The following FZD3 variants were observed in gnomAD, a reference collection of about 807,000 sequenced individuals.
FZD3 encodes frizzled class receptor 3, also known as frizzled-3.
Under a neutral mutation model 60.7 loss-of-function variants are expected in FZD3, and 30 were observed. That is an observed-to-expected ratio of 0.49 (90% CI 0.37 to 0.67). The LOEUF (loss-of-function observed/expected upper bound fraction) is 0.67. FZD3 is among the 30% of genes least tolerant of loss of function. FZD3 has a pLI of 0.00. For synonymous variants in FZD3, 246 were observed against 275.2 expected (o/e 0.89, Z 1.05); for missense variants, 605 against 838.7 (o/e 0.72, Z 3.44).
intron 1 of FZD3, among the ~76,000 whole-genome samples, chr8:28,499,067 A>G (rs1803922319): frequency 6.6e-6 from 1 of 152,186 alleles, no homozygotes; most frequent in Non-Finnish European, 1.5e-5. Flanking sequence ...CAGTCATTTC[A>G]CTAGTATTTT....
intron 3 of FZD3, among the ~76,000 whole-genome samples, chr8:28,510,103 GT>G (rs1277200652): frequency 5.4e-5 from 5 of 92,640 alleles, no homozygotes; most frequent in African/African-American, 1.1e-4. Flanking sequence ...GGTATTTTCT[GT>G]TTTTTTTGTT....
At chr8:28,494,846 G>A (rs1803798565) in intron 1 of FZD3, among the ~76,000 whole-genome samples, 1 of 152,066 alleles carries the variant, frequency 6.6e-6, no homozygotes, top group Admixed American at 6.5e-5. Context: ...CCGGCCGCCC[G>A]AAGCGCGCGC....
chr8:28,512,938 A>G (rs1804327607), intron 3 of FZD3, among the ~76,000 whole-genome samples: 2 of 152,182 alleles, frequency 1.3e-5, no homozygotes, highest in African/African-American at 2.4e-5. Flanking sequence ...TACTACATTT[A>G]TAGAATTCAT....
At position 28,564,579 on chromosome 8, in the gene FZD3, C is replaced by T. The variant is rs537443089; in HGVS notation, c.*1568C>T. The T allele has an allele frequency of 4.6e-5, 7 of 152,104 alleles. No homozygotes were observed. Among genetic ancestry groups the T allele is most frequent in the East Asian group, 3.9e-4 (2 of 5,176 alleles). The allele number at this position is 152,104 out of a possible 1,614,324, so 9.4% of individuals were successfully genotyped here. A position where few individuals can be genotyped will look rare whatever the true frequency, so the allele number is the denominator to read the frequency against. ...GAACATCCACATGGATTCTGTCTTT[C>T]GCTTTTATATCATTATCTAATATTC... On this transcript the variant is annotated 3_prime_UTR_variant, in exon 8 of 8. Coordinates refer to ENST00000240093, the MANE Select transcript of FZD3 (RefSeq NM_017412.4).
rs1805500255 is a variant in FZD3 at position 28,555,950 on chromosome 8, T to G, written c.1766T>G (p.Leu589Arg). The change falls in exon 7 of 8, where the codon CTC becomes CGC. Residue 589 changes from leucine (L) to arginine (R), a missense_variant. Leu to Arg is a moderately radical substitution (Grantham distance 102). Coordinates refer to ENST00000240093, the MANE Select transcript of FZD3 (RefSeq NM_017412.4). ...AAAGTGAGCAGCTACCACGGCAGCC[T>G]CCACAGATCACGTGATGGCAGGTGA... Reference protein sequence around the residue: ...HSKVSSYHGSLHRSRDGRYTP... With the variant: ...HSKVSSYHGSRHRSRDGRYTP... 1 of 1,610,862 alleles carries G rather than the reference T, an allele frequency of 6.2e-7. No individual in the cohort carries two copies.
At chr8:28,557,866 A>T (rs561432776) in intron 7 of FZD3, among the ~76,000 whole-genome samples, 2 of 152,362 alleles carry the variant, frequency 1.3e-5, no homozygotes, top group Admixed American at 6.5e-5. Context: ...ACAATCAATT[A>T]CAATACACTT....
intron 3 of FZD3, 101 bp from the exon 4 acceptor site, chr8:28,520,537 A>G (rs1458729231): frequency 1.4e-6 from 1 of 727,410 alleles, no homozygotes; most frequent in Non-Finnish European, 2.1e-6. Flanking sequence ...AATAACCCTC[A>G]GAATTTTCTT....
At chr8:28,544,458 G>A (rs1046165686) in intron 5 of FZD3, among the ~76,000 whole-genome samples, 2 of 151,966 alleles carry the variant, frequency 1.3e-5, no homozygotes, top group South Asian at 4.1e-4. Flanking sequence ...ATATACTGTA[G>A]ATATTAAATA....
chr8:28,549,070 G>T (rs1805356323), intron 5 of FZD3, among the ~76,000 whole-genome samples: 1 of 152,202 alleles, frequency 6.6e-6, no homozygotes, highest in Non-Finnish European at 1.5e-5. Flanking sequence ...GGTGCTGGCA[G>T]GTTTGGTTTC....
Position 28,555,727 on chromosome 8 carries a change from T to A in FZD3, c.1554-11T>A, listed in dbSNP as rs765196376. The A allele has an allele frequency of 2.0e-6, 3 of 1,491,612 alleles. No homozygotes were observed. The African/African-American group carries it at 4.1e-5, about 21-fold the overall frequency. The allele number at this position is 1,491,612 out of a possible 1,614,324, so 92.4% of individuals were successfully genotyped here. Reference sequence around the variant, plus strand: ...TGGTATGTATCTTAAACTTACTATTTTGTTGTCTAGGATAGTGAATGAGAG... The same window carrying A: ...TGGTATGTATCTTAAACTTACTATTATGTTGTCTAGGATAGTGAATGAGAG... On this transcript the variant is annotated splice_polypyrimidine_tract_variant and intron_variant, in intron 6 of 7. Coordinates refer to ENST00000240093, the MANE Select transcript of FZD3 (RefSeq NM_017412.4).
At chr8:28,505,993 C>T (rs1804130415) in intron 3 of FZD3, among the ~76,000 whole-genome samples, 1 of 152,212 alleles carries the variant, frequency 6.6e-6, no homozygotes. Context: ...GTTAACTTGA[C>T]GTTCTCTTTT....
intron 5 of FZD3, among the ~76,000 whole-genome samples, chr8:28,547,531 C>T (rs1192091023): frequency 6.6e-6 from 1 of 152,200 alleles, no homozygotes; most frequent in Non-Finnish European, 1.5e-5. Flanking sequence ...TTCGTCCACA[C>T]ATTTGCTAAT....
intron 6 of FZD3, among the ~76,000 whole-genome samples, chr8:28,552,860 T>TG (rs1197912622): frequency 2.0e-5 from 3 of 152,078 alleles, no homozygotes; most frequent in Non-Finnish European, 4.4e-5. Context: ...CAAAAATATT[T>TG]GGGAAAAAAA....
rs960790487 is a variant in FZD3 at position 28,569,317 on chromosome 8, A to G, written c.*6306A>G. 2 of 151,964 alleles carry G rather than the reference A, an allele frequency of 1.3e-5. No individual in the cohort carries two copies. The highest frequency in any genetic ancestry group is 2.4e-5 in the African/African-American group (1 of 41,386). 9.4% of individuals were successfully genotyped at this position (151,964 alleles called of 1,614,324 possible). The stretch of plus-strand genomic sequence containing the variant: ...AAACTGTATTATTTTATTTTTAAAA[A>G]TACAATAGGATTTTGAGTCAGGAAA... On this transcript the variant is annotated 3_prime_UTR_variant, in exon 8 of 8. Transcript: ENST00000240093.
At chr8:28,539,412 A>G (rs541132394) in intron 5 of FZD3, among the ~76,000 whole-genome samples, 2 of 152,246 alleles carry the variant, frequency 1.3e-5, no homozygotes, top group East Asian at 1.9e-4. Flanking sequence ...TTGAGGGTCT[A>G]TTTTTCTGTC....
intron 4 of FZD3, among the ~76,000 whole-genome samples, chr8:28,521,919 C>G (rs1040792627): frequency 2.0e-5 from 3 of 151,966 alleles, no homozygotes; most frequent in African/African-American, 7.3e-5. Context: ...TGTTTGTTAT[C>G]TGGTAATAGC....
rs371375747 is a variant in FZD3, at chr8:28,540,491, T to G, written c.1405-11112T>G. On this transcript the variant is annotated intron_variant, in intron 5 of 7. Coordinates refer to ENST00000240093, the MANE Select transcript of FZD3 (RefSeq NM_017412.4). ...ATCCACTGGCCTCGGCCTCCCAAAGTGCTGGGATACATCAGGTAAGTTTTT... is the reference window on the plus strand; with the variant it reads ...ATCCACTGGCCTCGGCCTCCCAAAGGGCTGGGATACATCAGGTAAGTTTTT... 9.2e-5 allele frequency among the ~76,000 whole-genome samples: 14 copies of G among 152,268 alleles called. 1 individual carries two copies. Among genetic ancestry groups the G allele is most frequent in the African/African-American group, 3.1e-4 (13 of 41,552 alleles).
chr8:28,503,604 A>C lies in FZD3; in HGVS notation c.189+402A>C, dbSNP rs373008528. Among the ~76,000 whole-genome samples, 15 of 152,322 alleles carry C rather than the reference A, an allele frequency of 9.8e-5. 1 individual carries two copies. In the East Asian group the frequency reaches 1.9e-3, roughly 20 times the overall value. On this transcript the variant is annotated intron_variant, in intron 3 of 7. Coordinates refer to ENST00000240093, the MANE Select transcript of FZD3 (RefSeq NM_017412.4). Reference sequence around the variant, plus strand: ...ATTTTTCAGTGGTAATTCTTCAGACATTTCTTAATTATTTTAGTTTAGAAA... The same window carrying C: ...ATTTTTCAGTGGTAATTCTTCAGACCTTTCTTAATTATTTTAGTTTAGAAA...
In FZD3 at chr8:28,527,814, A is replaced by G. The variant is rs749229314; in HGVS notation, c.1054A>G (p.Ile352Val). 4.3e-6 allele frequency: 7 copies of G among 1,614,022 alleles called. No homozygotes were observed. Among genetic ancestry groups the G allele is most frequent in the South Asian group, 1.1e-5 (1 of 91,084 alleles). The change falls in exon 5 of 8, where the codon ATT becomes GTT. Residue 352 changes from isoleucine to valine, a missense_variant. By Grantham distance (29) the Ile-to-Val change is conservative. Transcript: ENST00000240093. The surrounding 1 kb of genome is among the most constrained non-coding windows in gnomAD (Gnocchi z 5.0). The stretch of plus-strand genomic sequence containing the variant: ...CATCATCCTTTTAGCGATGAATAAA[A>G]TTGAAGGTGACAATATTAGTGGCGT... ...LTIILLAMNK[I>V]EGDNISGVCF...
Sources: allele counts gnomAD v4.1 joint callset (sites outside exome capture counted in the v4.1 genomes callset), GRCh38; gene constraint gnomAD v4.1.1; non-coding constraint Gnocchi (gnomAD v3.1); transcripts MANE v1.5; gene names NCBI Gene and HGNC (gene_info 2026-07-23, HGNC 2026-07-21).